The following MACROD2 variants were observed in gnomAD, a reference collection of about 807,000 sequenced individuals.
The protein encoded by MACROD2 is ADP-ribose glycohydrolase MACROD2.
A neutral mutation model predicts 70.4 loss-of-function variants in MACROD2; 36 were observed. The observed-to-expected ratio is 0.51, with a 90% CI of 0.39 to 0.68. The LOEUF (loss-of-function observed/expected upper bound fraction) is 0.68, where lower values mean the gene tolerates loss of function less well. Ranked by LOEUF, MACROD2 falls within the 30% of genes least tolerant of loss-of-function variation. The pLI, the probability that MACROD2 is intolerant of heterozygous loss-of-function variation, is 0.00. For missense variants in MACROD2, 496 were observed against 538.4 expected (o/e 0.92, Z 0.78); for synonymous variants, 172 against 178.8 (o/e 0.96, Z 0.30).
chr20:16,017,462 G>T (rs184290947), intron 15 of MACROD2, among the ~76,000 whole-genome samples: 257 of 152,248 alleles, frequency 1.7e-3, no homozygotes, highest in Non-Finnish European at 2.4e-3. Context: ...GGCATCATGT[G>T]GTCTTTGCAG....
At chr20:14,806,664 G>A (rs190964718) in intron 5 of MACROD2, among the ~76,000 whole-genome samples, 4 of 152,210 alleles carry the variant, frequency 2.6e-5, no homozygotes, top group Admixed American at 6.5e-5. Context: ...CCACCCCCAC[G>A]GAGACCAGCA....
intron 2 of MACROD2, among the ~76,000 whole-genome samples, chr20:14,045,072 T>A (rs1044541067): frequency 2.4e-4 from 37 of 152,292 alleles, no homozygotes; most frequent in African/African-American, 8.4e-4. Context: ...GGCTTGCCGC[T>A]CCGAGTGCGG....
chr20:14,493,188 A>T (rs1162337352), intron 3 of MACROD2, among the ~76,000 whole-genome samples: 1 of 152,026 alleles, frequency 6.6e-6, no homozygotes, highest in East Asian at 1.9e-4. Context: ...ATTAATTTAG[A>T]TACAGAATTG....
intron 8 of MACROD2, among the ~76,000 whole-genome samples, chr20:15,640,321 C>A (rs753926127): frequency 2.0e-5 from 3 of 150,876 alleles, no homozygotes; most frequent in African/African-American, 7.3e-5. Context: ...AAGTGGATAG[C>A]GAGAGAGAGA....
rs1020955582 is a variant in MACROD2, at chr20:15,458,765, C to T, written c.571+27330C>T. Among the ~76,000 whole-genome samples, 17 of 151,968 alleles carry T rather than the reference C, an allele frequency of 1.1e-4. No homozygotes were observed. The East Asian group carries it at 1.9e-3, about 17-fold the overall frequency. ...GGTATTTCCAGAGTTTCTGCCTCAT[C>T]GTATACAATGGCTCTTCTGGACCTG... On this transcript the variant is annotated intron_variant, in intron 7 of 17. Transcript: ENST00000684519.
intron 3 of MACROD2, among the ~76,000 whole-genome samples, chr20:14,359,495 T>C (rs2083202653): frequency 6.6e-6 from 1 of 152,186 alleles, no homozygotes; most frequent in African/African-American, 2.4e-5. Context: ...GAAATCAGTA[T>C]GTCAAAAGGA....
At chr20:15,954,146 A>C (rs970404395) in intron 12 of MACROD2, among the ~76,000 whole-genome samples, 1 of 152,166 alleles carries the variant, frequency 6.6e-6, no homozygotes, top group Non-Finnish European at 1.5e-5. Flanking sequence ...AAATTGGGTA[A>C]AAAGTCTATC....
At chr20:15,099,253 C>A (rs2075854997) in intron 5 of MACROD2, among the ~76,000 whole-genome samples, 1 of 152,136 alleles carries the variant, frequency 6.6e-6, no homozygotes, top group Admixed American at 6.6e-5. Context: ...AAGCCCTAAC[C>A]ACTAAAGTGG....
chr20:16,002,125 A>T (rs1472837630), intron 15 of MACROD2, among the ~76,000 whole-genome samples: 1 of 152,108 alleles, frequency 6.6e-6, no homozygotes, highest in Non-Finnish European at 1.5e-5. Flanking sequence ...AGAGATACTC[A>T]ATAAGTAGAT....
At chr20:14,357,160 A>G (rs935702299) in intron 3 of MACROD2, among the ~76,000 whole-genome samples, 4 of 152,176 alleles carry the variant, frequency 2.6e-5, no homozygotes, top group Non-Finnish European at 5.9e-5. Context: ...TAAGAAGAGT[A>G]TGAGTGGTGG....
intron 1 of MACROD2, among the ~76,000 whole-genome samples, chr20:14,001,631 A>G (rs182327172): frequency 5.8e-4 from 89 of 152,294 alleles, no homozygotes; most frequent in African/African-American, 2.0e-3. Context: ...TAATAGACTC[A>G]TGGTTCTGCA....
At chr20:15,041,365 C>G (rs2075354846) in intron 5 of MACROD2, among the ~76,000 whole-genome samples, 1 of 152,122 alleles carries the variant, frequency 6.6e-6, no homozygotes, top group Non-Finnish European at 1.5e-5. Flanking sequence ...ATATATCCAA[C>G]TTTAGAAAGT....
At chr20:14,601,091 A>G (rs1982467237) in intron 4 of MACROD2, among the ~76,000 whole-genome samples, 1 of 152,032 alleles carries the variant, frequency 6.6e-6, no homozygotes, top group Admixed American at 6.5e-5. Context: ...CACATAATAT[A>G]TATATATAAA....
At chr20:14,555,228 T>G (rs1227227827) in intron 4 of MACROD2, among the ~76,000 whole-genome samples, 1 of 152,102 alleles carries the variant, frequency 6.6e-6, no homozygotes, top group Non-Finnish European at 1.5e-5. Context: ...TCTCATGTAC[T>G]CCACAAACAT....
At chr20:16,025,253 A>G (rs1192651470) in intron 15 of MACROD2, among the ~76,000 whole-genome samples, 1 of 152,178 alleles carries the variant, frequency 6.6e-6, no homozygotes, top group Non-Finnish European at 1.5e-5. Flanking sequence ...CCATTCTGTC[A>G]TTGGAGGTGC....
At chr20:15,494,232 T>C (rs1436271966) in intron 7 of MACROD2, among the ~76,000 whole-genome samples, 1 of 152,218 alleles carries the variant, frequency 6.6e-6, no homozygotes, top group African/African-American at 2.4e-5. Flanking sequence ...CATATACTTC[T>C]GGTGGGAGTG....
chr20:14,325,523 C>A lies in MACROD2; in HGVS notation c.272-167956C>A, dbSNP rs756492451. 7 of 1,566,054 alleles carry A rather than the reference C, an allele frequency of 4.5e-6. No individual in the cohort carries two copies. The African/African-American group carries it at 6.8e-5, about 15-fold the overall frequency. On this transcript the variant is annotated intron_variant, in intron 3 of 17. Coordinates refer to ENST00000684519, the MANE Select transcript of MACROD2 (RefSeq NM_001351661.2). ...CATCACCTCCCTTAGGTTTAAAAAA[C>A]CCAAAACACAAGTCTGCTGTGAGTC... is the stretch of plus-strand genomic sequence containing the variant.
chr20:14,335,625 G>T (rs1325906207), intron 3 of MACROD2, among the ~76,000 whole-genome samples: 1 of 152,076 alleles, frequency 6.6e-6, no homozygotes, highest in Non-Finnish European at 1.5e-5. Context: ...AGTCATAATT[G>T]ATTTTAAAGG....
chr20:14,016,095 T>G (rs1201984392), intron 2 of MACROD2, among the ~76,000 whole-genome samples: 1 of 152,244 alleles, frequency 6.6e-6, no homozygotes, highest in African/African-American at 2.4e-5. Context: ...GCCAGTGCTA[T>G]TCCCACCACC....
Sources: gnomAD v4.1 joint callset for allele counts (sites outside exome capture counted in the v4.1 genomes callset) on GRCh38, gnomAD v4.1.1 for gene constraint, MANE v1.5 for transcripts, NCBI Gene and HGNC (gene_info 2026-07-23, HGNC 2026-07-21) for gene names.